RAB3GAP1: variants seen among roughly 807,000 people sequenced by gnomAD.
RAB3GAP1 encodes RAB3 GTPase activating protein catalytic subunit 1, also known as rab3 GTPase-activating protein catalytic subunit.
A neutral mutation model predicts 130.7 loss-of-function variants in RAB3GAP1; 86 were observed. The observed-to-expected ratio is 0.66, with a 90% confidence interval of 0.55 to 0.79. The LOEUF is 0.79. RAB3GAP1 is among the 30% of genes least tolerant of loss of function. The pLI, the probability that RAB3GAP1 is intolerant of heterozygous loss-of-function variation, is 0.00. For missense variants in RAB3GAP1, 1,029 were observed against 1,169.4 expected (o/e 0.88, Z 1.75); for synonymous variants, 367 against 401.7 (o/e 0.91, Z 1.03).
Position 135,169,156 on chromosome 2 carries a change from C to A in RAB3GAP1, c.*375C>A, listed in dbSNP as rs1459589330. ...GCATTCGTGGTCTGTGCAAACACTT[C>A]GTGGTTCTATATATCAGCAGCAAGT... is the stretch of plus-strand genomic sequence containing the variant. On this transcript the variant is annotated 3_prime_UTR_variant, in exon 24 of 24. Coordinates refer to ENST00000264158, the MANE Select transcript of RAB3GAP1 (RefSeq NM_012233.3). 5 of 315,832 alleles carry A rather than the reference C, an allele frequency of 1.6e-5. No homozygotes were observed. Among genetic ancestry groups the A allele is most frequent in the Non-Finnish European group, 1.2e-5 (2 of 163,504 alleles). 19.6% of individuals were successfully genotyped at this position (315,832 alleles called of 1,614,324 possible).
At position 135,058,679 on chromosome 2, in the gene RAB3GAP1, A is replaced by G. The variant is rs1159935928; in HGVS notation, c.150+593A>G. The G allele has an allele frequency of 2.6e-5, 4 of 152,664 alleles. 1 individual carries two copies. The highest frequency in any genetic ancestry group is 4.8e-5 in the African/African-American group (2 of 41,564). The allele number at this position is 152,664 out of a possible 1,614,324, so 9.5% of individuals were successfully genotyped here. ...TAGAAATCAAATTCTAATCTAAAGT[A>G]TTGGTAGTTTTATTCATAAACCACA... On this transcript the variant is annotated intron_variant, in intron 3 of 23. Coordinates refer to ENST00000264158, the MANE Select transcript of RAB3GAP1 (RefSeq NM_012233.3).
intron 23 of RAB3GAP1, chr2:135,167,824 A>AC: frequency 7.8e-6 from 7 of 898,308 alleles, no homozygotes; most frequent in Non-Finnish European, 1.1e-5. Flanking sequence ...TGGCTTACCT[A>AC]CCTTGCTGAT....
rs199779806 is a variant in RAB3GAP1, at chr2:135,052,341, C to T, written c.18+16C>T. The T allele has an allele frequency of 4.8e-5, 77 of 1,614,016 alleles. No homozygotes were observed. Among genetic ancestry groups the T allele is most frequent in the Non-Finnish European group, 6.1e-5 (72 of 1,180,038 alleles). On this transcript the variant is annotated intron_variant, in intron 1 of 23. Coordinates refer to ENST00000264158, the MANE Select transcript of RAB3GAP1 (RefSeq NM_012233.3). The stretch of plus-strand genomic sequence containing the variant: ...CGACAGTGAGGTGATTTCTTTGCTC[C>T]CTACTTAATCCTTGTCACTATCTAA...
chr2:135,133,945 C>T lies in RAB3GAP1; in HGVS notation c.1411C>T (p.His471Tyr). 1.9e-6 allele frequency: 3 copies of T among 1,613,776 alleles called. No homozygotes were observed. Among genetic ancestry groups the T allele is most frequent in the Non-Finnish European group, 2.5e-6 (3 of 1,179,794 alleles). The change falls in exon 15 of 24, where the codon CAT (histidine) becomes TAT (tyrosine). Residue 471 changes from histidine (H) to tyrosine (Y), a missense_variant. Transcript: ENST00000264158. Reference sequence around the variant, plus strand: ...GTGTCTCTGTATGATCAATTTTTACCATGGAGGGTTGAAAGGAGTGGCACA... The same window carrying T: ...GTGTCTCTGTATGATCAATTTTTACTATGGAGGGTTGAAAGGAGTGGCACA... Reference protein sequence around the residue: ...ALCLCMINFYHGGLKGVAHLW... With the variant: ...ALCLCMINFYYGGLKGVAHLW...
intron 3 of RAB3GAP1, among the ~76,000 whole-genome samples, chr2:135,082,720 C>T (rs1360117717): frequency 2.0e-5 from 3 of 152,068 alleles, no homozygotes; most frequent in African/African-American, 7.2e-5. Flanking sequence ...GAATTACAGG[C>T]GCGAGCCACC....
intron 22 of RAB3GAP1, among the ~76,000 whole-genome samples, chr2:135,163,980 C>T (rs1020676087): frequency 1.3e-5 from 2 of 152,194 alleles, no homozygotes; most frequent in African/African-American, 4.8e-5. Context: ...TCAAGGGACT[C>T]GTTTCTAAAA....
chr2:135,132,179 C>G (rs1334826820), intron 13 of RAB3GAP1, among the ~76,000 whole-genome samples: 3 of 152,168 alleles, frequency 2.0e-5, no homozygotes, highest in Non-Finnish European at 4.4e-5. Context: ...GATTACTAAT[C>G]AGCAGTACCA....
At position 135,124,155 on chromosome 2, in the gene RAB3GAP1, T is replaced by C; in HGVS notation, c.749-10T>C. ...TTCCCAAATGATGGAAAAATATTTC[T>C]TTTGTTTAGACATAGATGCCCTTGT... On this transcript the variant is annotated splice_polypyrimidine_tract_variant and intron_variant, in intron 8 of 23. Transcript: ENST00000264158. 1 of 1,612,212 alleles carries C rather than the reference T, an allele frequency of 6.2e-7. No homozygotes were observed. The highest frequency in any genetic ancestry group is 1.1e-5 in the South Asian group (1 of 91,026).
chr2:135,166,590 TCTC>T (rs2105004842), intron 23 of RAB3GAP1, among the ~76,000 whole-genome samples: 1 of 152,180 alleles, frequency 6.6e-6, no homozygotes, highest in South Asian at 2.1e-4. Flanking sequence ...TTCAAGCAAT[TCTC>T]CTTCCTTAAC....
At chr2:135,164,228 T>A (rs1301443274) in intron 22 of RAB3GAP1, among the ~76,000 whole-genome samples, 1 of 152,258 alleles carries the variant, frequency 6.6e-6, no homozygotes, top group Admixed American at 6.5e-5. Context: ...TATGGATCAT[T>A]GCTTTTATTG....
rs776374634 is a variant in RAB3GAP1 at position 135,150,347 on chromosome 2, C to T, written c.1924-22C>T. The T allele has an allele frequency of 4.3e-6, 7 of 1,614,074 alleles. No individual in the cohort carries two copies. The Admixed American group carries it at 1.2e-4, about 27-fold the overall frequency. ...TTTCTAAAAAGGGCTGTTTATGAGC[C>T]TTGTCCTTTTGTGCTTCACAGGAAC... On this transcript the variant is annotated intron_variant, in intron 17 of 23. Transcript: ENST00000264158.
downstream of RAB3GAP1, chr2:135,175,458 A>C (rs1692981712): frequency 6.6e-6 from 1 of 152,230 alleles, no homozygotes; most frequent in South Asian, 2.1e-4. Context: ...GCTGGGTTGT[A>C]ATGGAAACAA....
intron 11 of RAB3GAP1, among the ~76,000 whole-genome samples, chr2:135,128,521 G>A (rs893596461): frequency 1.3e-5 from 2 of 152,136 alleles, no homozygotes; most frequent in African/African-American, 2.4e-5. Context: ...TTATGTTTAC[G>A]TACTAAGTTG....
chr2:135,107,422 GGA>G lies in RAB3GAP1; in HGVS notation c.363-5728_363-5727del, dbSNP rs1268417565. On this transcript the variant is annotated intron_variant, in intron 5 of 23. Coordinates refer to ENST00000264158, the MANE Select transcript of RAB3GAP1 (RefSeq NM_012233.3). Reference sequence around the variant, plus strand: ...AATATATATGACAATATTGCACAAAGGAAGGGGGAAGGAATGGAGTTATACTA... The same window carrying G: ...AATATATATGACAATATTGCACAAAGAGGGGGAAGGAATGGAGTTATACTA... Among the ~76,000 whole-genome samples, 3 of 139,370 alleles carry G rather than the reference GGA, an allele frequency of 2.2e-5. No individual in the cohort carries two copies. The South Asian group carries it at 6.9e-4, about 32-fold the overall frequency. The allele number at this position is 139,370 out of a possible 152,430, so 91.4% of individuals were successfully genotyped here.
chr2:135,093,244 ATGGG>A (rs1690195656), intron 4 of RAB3GAP1, among the ~76,000 whole-genome samples: 1 of 152,230 alleles, frequency 6.6e-6, no homozygotes, highest in Admixed American at 6.5e-5. Context: ...AAGGCTTGCT[ATGGG>A]AGGTTATACA....
At chr2:135,106,309 A>C (rs534629051) in intron 5 of RAB3GAP1, among the ~76,000 whole-genome samples, 19 of 152,368 alleles carry the variant, frequency 1.2e-4, no homozygotes, top group Non-Finnish European at 2.4e-4. Flanking sequence ...GTTTTGTCGA[A>C]TAGAAAAGGG....
chr2:135,133,029 G>A lies in RAB3GAP1; in HGVS notation c.1326+45G>A, dbSNP rs6740489. ...AATGTTAAAATGTTTTAAATGCACT[G>A]AATTTCTAGAGGTTCTATATATTTC... On this transcript the variant is annotated intron_variant, in intron 14 of 23. Coordinates refer to ENST00000264158, the MANE Select transcript of RAB3GAP1 (RefSeq NM_012233.3). 1.3e-3 allele frequency: 1,388 copies of A among 1,100,544 alleles called. 9 individuals carry two copies. The African/African-American group carries it at 0.019, about 15-fold the overall frequency. 68.2% of individuals were successfully genotyped at this position (1,100,544 alleles called of 1,614,324 possible).
chr2:135,106,979 T>C (rs1409576288), intron 5 of RAB3GAP1, among the ~76,000 whole-genome samples: 1 of 151,646 alleles, frequency 6.6e-6, no homozygotes, highest in Non-Finnish European at 1.5e-5. Context: ...AAGAAAATCT[T>C]ATAGGCAGCA....
chr2:135,117,468 GCTTCTGCTT>G (rs1436556711), intron 7 of RAB3GAP1, among the ~76,000 whole-genome samples: 5 of 30,754 alleles, frequency 1.6e-4, no homozygotes, highest in Admixed American at 3.5e-4. Context: ...TTCTGCTTCT[GCTTCTGCTT>G]CTTCTGCTTC....
Sources: gnomAD v4.1 joint callset for allele counts (sites outside exome capture counted in the v4.1 genomes callset) on GRCh38, gnomAD v4.1.1 for gene constraint, MANE v1.5 for transcripts, NCBI Gene and HGNC (gene_info 2026-07-23, HGNC 2026-07-21) for gene names.